AKAP7: variants seen among roughly 807,000 people sequenced by gnomAD.
The protein encoded by AKAP7 is A-kinase anchoring protein 7.
AKAP7 carries 39 observed loss-of-function variants against 39.5 expected under a neutral mutation model. That is an observed-to-expected ratio of 0.99 (90% CI 0.76 to 1.29). The LOEUF (loss-of-function observed/expected upper bound fraction) is 1.29. AKAP7 is among the 50% of genes most tolerant of loss of function. AKAP7 has a pLI of 0.00. For missense variants in AKAP7, 414 were observed against 407.7 expected, an observed-to-expected ratio of 1.02 and a Z score of -0.13; for synonymous variants, 140 against 139.1, an observed-to-expected ratio of 1.01 and a Z score of -0.05.
chr6:131,211,520 C>G (rs892517573), intron 6 of AKAP7, among the ~76,000 whole-genome samples: 1 of 151,780 alleles, frequency 6.6e-6, no homozygotes, highest in Non-Finnish European at 1.5e-5. Flanking sequence ...AATCCCAGCA[C>G]TTTGGGAGGC....
intron 5 of AKAP7, among the ~76,000 whole-genome samples, chr6:131,171,217 C>G (rs1248294016): frequency 6.6e-6 from 1 of 151,724 alleles, no homozygotes; most frequent in Non-Finnish European, 1.5e-5. Flanking sequence ...TGTGCAGAAA[C>G]AAACAGGCAA....
intron 5 of AKAP7, among the ~76,000 whole-genome samples, chr6:131,173,879 T>G (rs1263505494): frequency 6.6e-6 from 1 of 152,210 alleles, no homozygotes; most frequent in African/African-American, 2.4e-5. Flanking sequence ...CTTGCAACAT[T>G]GAGAATTCCA....
intron 7 of AKAP7, among the ~76,000 whole-genome samples, chr6:131,255,941 C>A (rs1452857450): frequency 1.3e-5 from 2 of 152,164 alleles, no homozygotes; most frequent in East Asian, 3.9e-4. Flanking sequence ...GTGCCAAGTA[C>A]TATGCTAGGA....
At chr6:131,145,150 T>G in intron 1 of AKAP7, 135 bp from the exon 2 acceptor site, 1 of 515,292 alleles carries the variant, frequency 1.9e-6, no homozygotes, top group East Asian at 3.8e-5. Context: ...ATGATATATT[T>G]GAACACAAGT....
intron 2 of AKAP7, among the ~76,000 whole-genome samples, chr6:131,148,949 C>T (rs1386278786): frequency 1.3e-5 from 2 of 152,116 alleles, no homozygotes; most frequent in African/African-American, 4.8e-5. Flanking sequence ...TTTTCTTTGA[C>T]GTGTGGAAAT....
At chr6:131,156,836 G>A (rs1480370312) in intron 2 of AKAP7, among the ~76,000 whole-genome samples, 1 of 151,292 alleles carries the variant, frequency 6.6e-6, no homozygotes, top group Non-Finnish European at 1.5e-5. Flanking sequence ...GTGCAGTGGT[G>A]CAATTTCGGC....
intron 2 of AKAP7, among the ~76,000 whole-genome samples, chr6:131,150,925 T>C (rs772102000): frequency 6.6e-6 from 1 of 152,240 alleles, no homozygotes; most frequent in Non-Finnish European, 1.5e-5. Context: ...TTCTTACATA[T>C]ATTTGCTAAA....
intron 7 of AKAP7, chr6:131,242,061 T>C: frequency 2.0e-6 from 2 of 982,362 alleles, no homozygotes; most frequent in Non-Finnish European, 2.4e-6. Context: ...ATATTGTATC[T>C]GACCGTAATA....
At chr6:131,171,108 A>T (rs1012022052) in intron 5 of AKAP7, among the ~76,000 whole-genome samples, 1 of 152,178 alleles carries the variant, frequency 6.6e-6, no homozygotes, top group Non-Finnish European at 1.5e-5. Context: ...AGTAGGAAGA[A>T]TTCATTCCTT....
At chr6:131,154,377 A>T (rs539875361) in intron 2 of AKAP7, among the ~76,000 whole-genome samples, 1 of 152,098 alleles carries the variant, frequency 6.6e-6, no homozygotes, top group East Asian at 1.9e-4. Flanking sequence ...TACAAGTGTT[A>T]ACAGTTAGTA....
In AKAP7 at chr6:131,219,678, T is replaced by C; in HGVS notation, c.720T>C (p.Asp240=). 1.3e-6 allele frequency: 2 copies of C among 1,596,276 alleles called. No individual in the cohort carries two copies. The highest frequency in any genetic ancestry group is 1.3e-5 in the African/African-American group (1 of 74,078). The change falls in exon 7 of 8, where the codon GAT becomes GAC. Residue 240 remains aspartate, a synonymous_variant. Coordinates refer to ENST00000431975, the MANE Select transcript of AKAP7 (RefSeq NM_016377.4). ...ATTTCAAGGGAGTGAAAAAAATAGA[T>C]CCTGATTTATATGAAAAGTTTATCA... ...WLRKNGVKKI[D]PDLYEKFISH... is the part of the protein sequence containing the mutation.
In AKAP7 at chr6:131,282,661, A is replaced by T. The variant is rs1815298698; in HGVS notation, c.*935A>T. On this transcript the variant is annotated 3_prime_UTR_variant, in exon 8 of 8. Coordinates refer to ENST00000431975, the MANE Select transcript of AKAP7 (RefSeq NM_016377.4). ...ATGAAATCTTTTCAGCTTATTAAGT[A>T]GCTCTTTGGTAAACACCAAAGAAGT... 7.1e-7 allele frequency: 1 copy of T among 1,416,002 alleles called. No homozygotes were observed. The highest frequency in any genetic ancestry group is 1.4e-5 in the African/African-American group (1 of 70,174). The allele number at this position is 1,416,002 out of a possible 1,614,324, so 87.7% of individuals were successfully genotyped here. A position where few individuals can be genotyped will look rare whatever the true frequency, so the allele number is the denominator to read the frequency against.
intron 6 of AKAP7, among the ~76,000 whole-genome samples, chr6:131,203,275 C>T (rs1196353788): frequency 6.6e-6 from 1 of 152,078 alleles, no homozygotes; most frequent in East Asian, 1.9e-4. Context: ...TTCCAGCTAT[C>T]TATTTTCTTC....
At chr6:131,224,061 A>G (rs969361687) in intron 7 of AKAP7, among the ~76,000 whole-genome samples, 4 of 152,178 alleles carry the variant, frequency 2.6e-5, no homozygotes, top group Admixed American at 6.5e-5. Flanking sequence ...CCCCAAGCCA[A>G]TCATTTCACA....
chr6:131,146,142 T>G (rs1801469658), intron 2 of AKAP7, among the ~76,000 whole-genome samples: 1 of 152,328 alleles, frequency 6.6e-6, no homozygotes, highest in South Asian at 2.1e-4. Flanking sequence ...GTGAACAAGA[T>G]GGGCATTATC....
intron 7 of AKAP7, among the ~76,000 whole-genome samples, chr6:131,240,162 T>C (rs929842786): frequency 6.6e-5 from 10 of 152,230 alleles, no homozygotes; most frequent in Non-Finnish European, 1.5e-5. Flanking sequence ...TGGAGTTTGC[T>C]GGAGGTCCAC....
intron 7 of AKAP7, among the ~76,000 whole-genome samples, chr6:131,273,677 C>A (rs1585222793): frequency 6.6e-6 from 1 of 152,202 alleles, no homozygotes; most frequent in East Asian, 1.9e-4. Context: ...TAAAGCAGTT[C>A]TCTTTTAAAG....
Position 131,216,457 on chromosome 6 carries a change from G to A in AKAP7, c.703-3204G>A, listed in dbSNP as rs187248257. Among the ~76,000 whole-genome samples the A allele has an allele frequency of 3.5e-3, 528 of 152,222 alleles. 4 individuals carry two copies. The highest frequency in any genetic ancestry group is 0.01 in the Middle Eastern group (3 of 294). On this transcript the variant is annotated intron_variant, in intron 6 of 7. Coordinates refer to ENST00000431975, the MANE Select transcript of AKAP7 (RefSeq NM_016377.4). ...TAAAAATACTCGTCATGCATTCAAT[G>A]GCATTTTCTCTGGAGTGGACTGTTT...
At chr6:131,227,277 G>A (rs943971162) in intron 7 of AKAP7, among the ~76,000 whole-genome samples, 6 of 152,166 alleles carry the variant, frequency 3.9e-5, no homozygotes, top group African/African-American at 1.2e-4. Context: ...CAATGGATTG[G>A]GAAGCAGGGT....
Sources: gnomAD v4.1 joint callset for allele counts (sites outside exome capture counted in the v4.1 genomes callset) on GRCh38, gnomAD v4.1.1 for gene constraint, MANE v1.5 for transcripts, NCBI Gene and HGNC (gene_info 2026-07-23, HGNC 2026-07-21) for gene names.